The following PRKN variants were observed in gnomAD, a reference collection of about 807,000 sequenced individuals.
The protein encoded by PRKN is E3 ubiquitin-protein ligase parkin.
PRKN carries 56 observed loss-of-function variants against 59.5 expected under a neutral mutation model. That is an observed-to-expected ratio of 0.94 (90% CI 0.76 to 1.18). PRKN has a LOEUF of 1.18. Ranked by LOEUF, PRKN falls within the 50% of genes most tolerant of loss-of-function variation. PRKN has a pLI of 0.00. For missense variants in PRKN, 657 were observed against 596.4 expected (o/e 1.10, Z -1.06); for synonymous variants, 250 against 222.1 (o/e 1.13, Z -1.12).
chr6:162,250,921 C>A lies in PRKN; in HGVS notation c.412+11604G>T, dbSNP rs561055211. 1.6e-3 allele frequency among the ~76,000 whole-genome samples: 237 copies of A among 152,092 alleles called. 1 individual carries two copies. The highest frequency in any genetic ancestry group is 5.3e-3 in the African/African-American group (220 of 41,512). On this transcript the variant is annotated intron_variant, in intron 3 of 11. Coordinates refer to ENST00000366898, the MANE Select transcript of PRKN (RefSeq NM_004562.3). ...TTTGGGTTTTTTAGCAAAATTATGA[C>A]TTGTTAAGTCTTCAATAACTTTTTT...
chr6:162,681,744 T>C (rs1779776790), intron 1 of PRKN, among the ~76,000 whole-genome samples: 1 of 152,128 alleles, frequency 6.6e-6, no homozygotes, highest in Non-Finnish European at 1.5e-5. Flanking sequence ...AGCCTCTGAA[T>C]GGTCGTTTTC....
intron 5 of PRKN, among the ~76,000 whole-genome samples, chr6:162,007,034 T>A (rs1583470097): frequency 6.6e-6 from 1 of 152,188 alleles, no homozygotes; most frequent in East Asian, 1.9e-4. Flanking sequence ...AATGGATAAA[T>A]GAATGGGAAA....
intron 9 of PRKN, among the ~76,000 whole-genome samples, chr6:161,422,323 C>A (rs1312262689): frequency 1.3e-5 from 2 of 151,792 alleles, no homozygotes; most frequent in African/African-American, 4.8e-5. Flanking sequence ...TTCAGCCTCC[C>A]AAGCAGCTGG....
chr6:161,694,700 T>A (rs767381814), intron 7 of PRKN, among the ~76,000 whole-genome samples: 1 of 152,220 alleles, frequency 6.6e-6, no homozygotes, highest in Non-Finnish European at 1.5e-5. Context: ...CTTCTTGGAA[T>A]CAGTGGTTAA....
At chr6:162,063,861 C>G (rs1242899411) in intron 4 of PRKN, among the ~76,000 whole-genome samples, 1 of 152,170 alleles carries the variant, frequency 6.6e-6, no homozygotes, top group Non-Finnish European at 1.5e-5. Context: ...TTTCTTATTA[C>G]GTTAAACATA....
chr6:162,481,036 T>G (rs181107899), intron 1 of PRKN, among the ~76,000 whole-genome samples: 1 of 152,166 alleles, frequency 6.6e-6, no homozygotes, highest in Non-Finnish European at 1.5e-5. Context: ...GTTGGCCAGC[T>G]TGTCCCAAAC....
At chr6:162,242,566 CAACA>C (rs1362717368) in intron 3 of PRKN, among the ~76,000 whole-genome samples, 3 of 152,082 alleles carry the variant, frequency 2.0e-5, no homozygotes, top group African/African-American at 7.2e-5. Context: ...GCCTCTTGAA[CAACA>C]ATCAACTATT....
intron 7 of PRKN, among the ~76,000 whole-genome samples, chr6:161,719,705 G>A (rs552592802): frequency 1.3e-5 from 2 of 152,218 alleles, no homozygotes; most frequent in South Asian, 4.1e-4. Flanking sequence ...GATGACCCTT[G>A]CTAATCCAAC....
chr6:162,060,161 A>AGAGAGTGGCAT (rs1399933486), intron 4 of PRKN, among the ~76,000 whole-genome samples: 2 of 152,176 alleles, frequency 1.3e-5, no homozygotes, highest in Non-Finnish European at 2.9e-5. Context: ...TTTATTTTTA[A>AGAGAGTGGCAT]TATTGTGGCA....
At position 162,412,201 on chromosome 6, in the gene PRKN, A is replaced by C. The variant is rs539561956; in HGVS notation, c.171+31109T>G. ...TGCCATAATATTGGAACGATAAATG[A>C]CATGCCAAGGGGCTCAAAGTAAATT... is the stretch of plus-strand genomic sequence containing the variant. On this transcript the variant is annotated intron_variant, in intron 2 of 11. Coordinates refer to ENST00000366898, the MANE Select transcript of PRKN (RefSeq NM_004562.3). 3.9e-5 allele frequency among the ~76,000 whole-genome samples: 6 copies of C among 152,338 alleles called. No individual in the cohort carries two copies. The South Asian group carries it at 1.2e-3, about 32-fold the overall frequency.
chr6:161,414,814 A>C lies in PRKN; in HGVS notation c.1084-27937T>G, dbSNP rs1318305667. Reference sequence around the variant, plus strand: ...GCTGAACAGCACCGGGAGGGTCTGTAGTTGCCAGACTCTATTATTGTGGGC... The same window carrying C: ...GCTGAACAGCACCGGGAGGGTCTGTCGTTGCCAGACTCTATTATTGTGGGC... On this transcript the variant is annotated intron_variant, in intron 9 of 11. Coordinates refer to ENST00000366898, the MANE Select transcript of PRKN (RefSeq NM_004562.3). This position sits in a 1 kb window ranked among gnomAD's most constrained non-coding sequence, Gnocchi z 5.3. 6.6e-6 allele frequency among the ~76,000 whole-genome samples: 1 copy of C among 152,222 alleles called. No homozygotes were observed. The highest frequency in any genetic ancestry group is 2.4e-5 in the African/African-American group (1 of 41,452).
At chr6:161,649,546 G>A (rs1028283638) in intron 7 of PRKN, among the ~76,000 whole-genome samples, 1 of 152,170 alleles carries the variant, frequency 6.6e-6, no homozygotes. Flanking sequence ...TATAAACCAG[G>A]TTCAGAATGG....
intron 1 of PRKN, among the ~76,000 whole-genome samples, chr6:162,580,021 T>A (rs1382788803): frequency 6.6e-6 from 1 of 152,212 alleles, no homozygotes; most frequent in East Asian, 1.9e-4. Flanking sequence ...TTTCTCAGTA[T>A]AATACAACTC....
intron 1 of PRKN, among the ~76,000 whole-genome samples, chr6:162,656,257 C>T (rs578118264): frequency 1.1e-4 from 16 of 152,196 alleles, no homozygotes; most frequent in Non-Finnish European, 2.2e-4. Flanking sequence ...ACACAACCCA[C>T]TCTCAGTACT....
At chr6:162,484,431 G>A (rs1292304919) in intron 1 of PRKN, among the ~76,000 whole-genome samples, 1 of 152,162 alleles carries the variant, frequency 6.6e-6, no homozygotes, top group South Asian at 2.1e-4. Context: ...ACTGTAACTA[G>A]ATATAATGGA....
Position 161,839,460 on chromosome 6 carries a change from G to A in PRKN, c.735-53552C>T, listed in dbSNP as rs954557535. Among the ~76,000 whole-genome samples, 15 of 152,108 alleles carry A rather than the reference G, an allele frequency of 9.9e-5. 1 individual carries two copies. The highest frequency in any genetic ancestry group is 1.5e-5 in the Non-Finnish European group (1 of 68,036). On this transcript the variant is annotated intron_variant, in intron 6 of 11. Coordinates refer to ENST00000366898, the MANE Select transcript of PRKN (RefSeq NM_004562.3). ...CCTGACGTTCAGGGTGAGGGCTGGA[G>A]CTCTCTGCTCCTGACAGGGAGCACA...
In PRKN at chr6:161,582,145, G is replaced by A. The variant is rs1781362301; in HGVS notation, c.872-12729C>T. Among the ~76,000 whole-genome samples the A allele has an allele frequency of 6.6e-6, 1 of 152,218 alleles. No individual in the cohort carries two copies. The highest frequency in any genetic ancestry group is 2.4e-5 in the African/African-American group (1 of 41,540). ...AAGTGTAAAGTGCATTTTCTAAATGGCTCTCTGGCTCACAGAAAGTAACAG... is the reference window on the plus strand; with the variant it reads ...AAGTGTAAAGTGCATTTTCTAAATGACTCTCTGGCTCACAGAAAGTAACAG... On this transcript the variant is annotated intron_variant, in intron 7 of 11. Transcript: ENST00000366898. The surrounding 1 kb of genome is among the most constrained non-coding windows in gnomAD (Gnocchi z 4.4).
chr6:162,506,690 G>A (rs1583688714), intron 1 of PRKN, among the ~76,000 whole-genome samples: 1 of 152,072 alleles, frequency 6.6e-6, no homozygotes, highest in Non-Finnish European at 1.5e-5. Context: ...TTCTTGCTTC[G>A]GGAGAAGAGG....
intron 3 of PRKN, among the ~76,000 whole-genome samples, chr6:162,218,977 C>T (rs150177814): frequency 4.6e-5 from 7 of 152,162 alleles, no homozygotes; most frequent in Admixed American, 4.6e-4. Context: ...AGTTTGAGAC[C>T]AGCCCGGGCA....
Sources: allele counts gnomAD v4.1 joint callset (sites outside exome capture counted in the v4.1 genomes callset), GRCh38; gene constraint gnomAD v4.1.1; non-coding constraint Gnocchi (gnomAD v3.1); transcripts MANE v1.5; gene names NCBI Gene and HGNC (gene_info 2026-07-23, HGNC 2026-07-21).